Variants in NOP9 observed in about 807,000 individuals in gnomAD.
The protein encoded by NOP9 is nucleolar protein 9.
A neutral mutation model predicts 63.0 loss-of-function variants in NOP9; 50 were observed. The ratio of observed to expected loss-of-function variants is 0.79; its 90% CI spans 0.63 to 1.00. The LOEUF (loss-of-function observed/expected upper bound fraction) is 1.00. Among genes scored for constraint, NOP9 ranks in the 50% least tolerant of loss-of-function variants. The probability of loss-of-function intolerance (pLI) is 0.00; values close to 1 mark genes in which losing one functional copy is unlikely to be tolerated. For synonymous variants in NOP9, 343 were observed against 332.8 expected, an observed-to-expected ratio of 1.03 and a Z score of -0.33; for missense variants, 758 against 803.0, an observed-to-expected ratio of 0.94 and a Z score of 0.68.
chr14:24,305,103 G>A lies in NOP9; in HGVS notation c.*8G>A. ...TCCATACTTGAAGACTGAGGCTTTG[G>A]ATCTGGGACTGGGTGTTGATGGGGG... On this transcript the variant is annotated 3_prime_UTR_variant, in exon 10 of 10. Coordinates refer to ENST00000267425, the MANE Select transcript of NOP9 (RefSeq NM_174913.3). 4.1e-6 allele frequency: 6 copies of A among 1,478,796 alleles called. No individual in the cohort carries two copies. Among genetic ancestry groups the A allele is most frequent in the Non-Finnish European group, 5.4e-6 (6 of 1,106,352 alleles). 91.6% of individuals were successfully genotyped at this position (1,478,796 alleles called of 1,614,324 possible). A position where few individuals can be genotyped will look rare whatever the true frequency, so the allele number is the denominator to read the frequency against.
At position 24,303,094 on chromosome 14, in the gene NOP9, G is replaced by A; in HGVS notation, c.1164G>A (p.Glu388=). The stretch of plus-strand genomic sequence containing the variant: ...ATCAGCTGTCCCCTGTGTTTGAGGA[G>A]CTGAGCCCTGTCTTGGAAGCTGTAT... ...TPELLSPVFE[E]LSPVLEAVLA... Residue 388 remains glutamate, a synonymous_variant, in exon 6 of 10, where the codon GAG becomes GAA. Coordinates refer to ENST00000267425, the MANE Select transcript of NOP9 (RefSeq NM_174913.3). 2 of 1,565,780 alleles carry A rather than the reference G, an allele frequency of 1.3e-6. No individual in the cohort carries two copies. Among genetic ancestry groups the A allele is most frequent in the South Asian group, 1.2e-5 (1 of 84,112 alleles).
rs947096641 is a variant in NOP9 at position 24,307,316 on chromosome 14, T to C, written c.*2221T>C. The C allele has an allele frequency of 4.0e-5, 63 of 1,561,010 alleles. No homozygotes were observed. The highest frequency in any genetic ancestry group is 5.5e-5 in the Non-Finnish European group (63 of 1,148,704). ...CTCCATCATCACAAGTTGCCACTGT[T>C]GTGGAGCCCCTTGGCTACCCCTGCT... On this transcript the variant is annotated 3_prime_UTR_variant, in exon 10 of 10. Coordinates refer to ENST00000267425, the MANE Select transcript of NOP9 (RefSeq NM_174913.3).
chr14:24,307,374 G>C lies in NOP9; in HGVS notation c.*2279G>C. ...CCGAGGAACTTGGCCTACTTACTTT[G>C]GCTAGCAGCTCCTGGCGGGTGGCAG... On this transcript the variant is annotated 3_prime_UTR_variant, in exon 10 of 10. Coordinates refer to ENST00000267425, the MANE Select transcript of NOP9 (RefSeq NM_174913.3). The C allele has an allele frequency of 6.2e-7, 1 of 1,612,790 alleles. No individual in the cohort carries two copies. Among genetic ancestry groups the C allele is most frequent in the African/African-American group, 1.3e-5 (1 of 75,010 alleles).
At chr14:24,295,037 TTTTTTCTA>T, upstream of NOP9, among the ~76,000 whole-genome samples, 1 of 152,210 alleles carries the variant, frequency 6.6e-6, no homozygotes, top group Non-Finnish European at 1.5e-5. Flanking sequence ...TTTCTTTTCT[TTTTTTCTA>T]TTTTTCCCAC....
chr14:24,296,935 A>C, upstream of NOP9: 1 of 1,609,622 alleles, frequency 6.2e-7, no homozygotes, highest in Non-Finnish European at 8.5e-7. Flanking sequence ...GTGAGTCATG[A>C]CAAAACTCCC....
upstream of NOP9, chr14:24,298,889 A>AG (rs572921871): frequency 1.8e-4 from 265 of 1,498,590 alleles, no homozygotes; most frequent in African/African-American, 3.3e-3. Flanking sequence ...GGATTAGGAA[A>AG]GGAGCTGTTA....
the NOP9 span, among the ~76,000 whole-genome samples, chr14:24,285,983 CAAA>C: frequency 0.012 from 1,799 of 150,146 alleles, 28 homozygotes; most frequent in African/African-American, 0.032. Context: ...GATAAACTGT[CAAA>C]AAAAAAAAAA....
At chr14:24,279,973 C>T in the NOP9 span, among the ~76,000 whole-genome samples, 1 of 152,164 alleles carries the variant, frequency 6.6e-6, no homozygotes, top group Non-Finnish European at 1.5e-5. Context: ...GGGCTAAGGA[C>T]ATACTCCTCT....
Position 24,306,483 on chromosome 14 carries a change from A to G in NOP9, c.*1388A>G. 1.9e-6 allele frequency: 3 copies of G among 1,614,244 alleles called. No individual in the cohort carries two copies. Among genetic ancestry groups the G allele is most frequent in the Non-Finnish European group, 2.5e-6 (3 of 1,180,040 alleles). On this transcript the variant is annotated 3_prime_UTR_variant, in exon 10 of 10. Coordinates refer to ENST00000267425, the MANE Select transcript of NOP9 (RefSeq NM_174913.3). Reference sequence around the variant, plus strand: ...CACTGCAGTTCCATCCTCCTCTAGCACCAGGGTTAGCACTCCATTCAGCAG... The same window carrying G: ...CACTGCAGTTCCATCCTCCTCTAGCGCCAGGGTTAGCACTCCATTCAGCAG...
At position 24,307,450 on chromosome 14, in the gene NOP9, C is replaced by CGCTG; in HGVS notation, c.*2357_*2360dup. 6.2e-7 allele frequency: 1 copy of CGCTG among 1,614,092 alleles called. No homozygotes were observed. Among genetic ancestry groups the CGCTG allele is most frequent in the Middle Eastern group, 1.6e-4 (1 of 6,062 alleles). On this transcript the variant is annotated 3_prime_UTR_variant, in exon 10 of 10. Transcript: ENST00000267425. Reference sequence around the variant, plus strand: ...CTTGTGATCACAGACACGGAAAGGTCGCTGGGGTGGTGGAGCTGAGGTCCA... The same window carrying CGCTG: ...CTTGTGATCACAGACACGGAAAGGTCGCTGGCTGGGGTGGTGGAGCTGAGGTCCA...
At chr14:24,303,983 A>T (rs1442763573) in intron 7 of NOP9, 58 bp from the exon 8 acceptor site, 2 of 1,581,764 alleles carry the variant, frequency 1.3e-6, no homozygotes, top group Non-Finnish European at 1.7e-6. Context: ...TGTTCTGGGG[A>T]TGGGCTCATC....
At chr14:24,297,412 C>T (rs530377589), upstream of NOP9, among the ~76,000 whole-genome samples, 1 of 152,288 alleles carries the variant, frequency 6.6e-6, no homozygotes, top group South Asian at 2.1e-4. Flanking sequence ...TCTACAAATG[C>T]CCACAAACCT....
chr14:24,296,035 G>A (rs1468631255), upstream of NOP9, among the ~76,000 whole-genome samples: 1 of 152,224 alleles, frequency 6.6e-6, no homozygotes, highest in Admixed American at 6.5e-5. Context: ...GTGACCCAGT[G>A]ATGTACCTGC....
chr14:24,298,352 A>G (rs1477484728), upstream of NOP9, among the ~76,000 whole-genome samples: 1 of 152,246 alleles, frequency 6.6e-6, no homozygotes, highest in Non-Finnish European at 1.5e-5. Context: ...GTACTCCACC[A>G]TGGACTGAAT....
the NOP9 span, among the ~76,000 whole-genome samples, chr14:24,288,204 G>C: frequency 6.6e-6 from 1 of 152,198 alleles, no homozygotes; most frequent in Non-Finnish European, 1.5e-5. Flanking sequence ...GGAAGGTCTA[G>C]ATGACTTCTA....
Position 24,304,129 on chromosome 14 carries a change from G to C in NOP9, c.1499G>C (p.Gly500Ala), listed in dbSNP as rs1326288954. 1.2e-6 allele frequency: 2 copies of C among 1,614,224 alleles called. No individual in the cohort carries two copies. The highest frequency in any genetic ancestry group is 2.2e-5 in the South Asian group (2 of 91,086). The change falls in exon 8 of 10, where the codon GGT (glycine) becomes GCT (alanine). Residue 500 changes from glycine to alanine, a missense_variant. Physicochemically the swap from Gly to Ala is moderately conservative, Grantham distance 60. Transcript: ENST00000267425. ...CATCTGCTGCACTTCTCCACTCCTGGTCTTGTACTTCGAAGTCTGGGTGCC... is the reference window on the plus strand; with the variant it reads ...CATCTGCTGCACTTCTCCACTCCTGCTCTTGTACTTCGAAGTCTGGGTGCC... ...LQHLLHFSTP[G>A]LVLRSLGALT...
chr14:24,307,453 T>C lies in NOP9; in HGVS notation c.*2358T>C, dbSNP rs2041548246. On this transcript the variant is annotated 3_prime_UTR_variant, in exon 10 of 10. Coordinates refer to ENST00000267425, the MANE Select transcript of NOP9 (RefSeq NM_174913.3). ...GTGATCACAGACACGGAAAGGTCGC[T>C]GGGGTGGTGGAGCTGAGGTCCAGAC... 3 of 1,614,112 alleles carry C rather than the reference T, an allele frequency of 1.9e-6. No individual in the cohort carries two copies. Among genetic ancestry groups the C allele is most frequent in the Non-Finnish European group, 2.5e-6 (3 of 1,179,994 alleles).
Position 24,306,296 on chromosome 14 carries a change from CAG to C in NOP9, c.*1202_*1203del. On this transcript the variant is annotated 3_prime_UTR_variant, in exon 10 of 10. Transcript: ENST00000267425. ...TCCTCCTGCACCTGGTCCCCAGGAT[CAG>C]GGTTAAGCTAGAGAGGAAGCCCGGG... 6.3e-7 allele frequency: 1 copy of C among 1,585,896 alleles called. No homozygotes were observed. Among genetic ancestry groups the C allele is most frequent in the South Asian group, 1.1e-5 (1 of 89,446 alleles).
At chr14:24,273,527 A>C in the NOP9 span, among the ~76,000 whole-genome samples, 4 of 152,196 alleles carry the variant, frequency 2.6e-5, no homozygotes, top group Admixed American at 6.5e-5. Context: ...AGCCCCTGGA[A>C]ATGTATGTAA....
Sources: allele counts gnomAD v4.1 joint callset (sites outside exome capture counted in the v4.1 genomes callset), GRCh38; gene constraint gnomAD v4.1.1; transcripts MANE v1.5; gene names NCBI Gene and HGNC (gene_info 2026-07-23, HGNC 2026-07-21).